Variants in MYO7A observed in about 807,000 individuals in gnomAD.
MYO7A encodes unconventional myosin-VIIa.
A neutral mutation model predicts 263.8 loss-of-function variants in MYO7A; 210 were observed. The observed-to-expected ratio is 0.80, with a 90% CI of 0.71 to 0.89. MYO7A has a LOEUF of 0.89. Among genes scored for constraint, MYO7A ranks in the 40% least tolerant of loss-of-function variants. The pLI is 0.00. For synonymous variants in MYO7A, 1,239 were observed against 1,197.3 expected, an observed-to-expected ratio of 1.03 and a Z score of -0.72; for missense variants, 2,820 against 2,968.3, an observed-to-expected ratio of 0.95 and a Z score of 1.16.
At chr11:77,211,982 A>G in intron 46 of MYO7A, 45 bp downstream of exon 46, 1 of 1,479,450 alleles carries the variant, frequency 6.8e-7, no homozygotes. Flanking sequence ...GGAACAGGGC[A>G]TTGATAAAGC....
chr11:77,162,178 C>A lies in MYO7A; in HGVS notation c.1402C>A (p.His468Asn). ...NEHLQQFFVR[H>N]VFKLEQEEYD... is the part of the protein sequence containing the mutation. ...GCACCTGCAGCAGTTCTTTGTGCGG[C>A]ACGTGTTCAAGCTGGAGCAGGAGGA... Residue 468 changes from histidine to asparagine, a missense_variant, in exon 13 of 49, where the codon CAC becomes AAC. Transcript: ENST00000409709. 6.2e-7 allele frequency: 1 copy of A among 1,601,950 alleles called. No homozygotes were observed.
At chr11:77,192,431 C>T (rs977603888) in intron 31 of MYO7A, among the ~76,000 whole-genome samples, 153 bp downstream of exon 31, 16 of 152,164 alleles carry the variant, frequency 1.1e-4, no homozygotes, top group African/African-American at 4.8e-5. Flanking sequence ...GGATGGACAC[C>T]GCCTACTTCA....
At chr11:77,180,669 A>T (rs1300303998) in intron 22 of MYO7A, among the ~76,000 whole-genome samples, 188 bp downstream of exon 22, 1 of 152,180 alleles carries the variant, frequency 6.6e-6, no homozygotes, top group African/African-American at 2.4e-5. Flanking sequence ...ATGCAAAAGG[A>T]TGAAGGGCTG....
Position 77,147,857 on chromosome 11 carries a change from C to T in MYO7A, c.192C>T (p.Val64=), listed in dbSNP as rs2135707383. Residue 64 remains valine, a synonymous_variant, in exon 4 of 49, where the codon GTC becomes GTT. Coordinates refer to ENST00000409709, the MANE Select transcript of MYO7A (RefSeq NM_000260.4). ...TCAAGCCTATGCACCCCACGTCGGTCCACGGCGTGGAGGACATGATCCGCC... is the reference window on the plus strand; with the variant it reads ...TCAAGCCTATGCACCCCACGTCGGTTCACGGCGTGGAGGACATGATCCGCC... The part of the protein sequence containing the change: ...THIKPMHPTS[V]HGVEDMIRLG... The T allele has an allele frequency of 6.2e-7, 1 of 1,608,552 alleles. No individual in the cohort carries two copies.
rs1452163159 is a variant in MYO7A, at chr11:77,205,674, G to C, written c.5636+57G>C. ...CTGGGGCGGGCTCCTGGCCACGCGG[G>C]GCTTGTGGGATGAGCCCCTTGGGGA... On this transcript the variant is annotated intron_variant, in intron 40 of 48. Transcript: ENST00000409709. 10 of 1,602,908 alleles carry C rather than the reference G, an allele frequency of 6.2e-6. No individual in the cohort carries two copies. The South Asian group carries it at 1.1e-4, about 18-fold the overall frequency.
At chr11:77,184,227 G>T (rs1228362421) in intron 26 of MYO7A, among the ~76,000 whole-genome samples, 1 of 152,104 alleles carries the variant, frequency 6.6e-6, no homozygotes, top group African/African-American at 2.4e-5. Context: ...AGTTATGTTG[G>T]CGGGGGCACC....
intron 2 of MYO7A, among the ~76,000 whole-genome samples, chr11:77,132,825 C>T (rs1453830516): frequency 1.3e-5 from 2 of 152,294 alleles, no homozygotes; most frequent in South Asian, 4.1e-4. Context: ...TATGATGAAA[C>T]AGGCTCAGGA....
At chr11:77,129,620 A>G (rs193191498) in intron 1 of MYO7A, among the ~76,000 whole-genome samples, 2 of 152,304 alleles carry the variant, frequency 1.3e-5, no homozygotes, top group Non-Finnish European at 2.9e-5. Context: ...CAACTCGCCA[A>G]CTTTGGGGGC....
rs779558689 is a variant in MYO7A at position 77,203,239 on chromosome 11, G to A, written c.5326+22G>A. ...ATTGATATCCGTGCCACTGGGCTGTGCCCAGGGGAGCCAGGGACCGGGCAG... is the reference window on the plus strand; with the variant it reads ...ATTGATATCCGTGCCACTGGGCTGTACCCAGGGGAGCCAGGGACCGGGCAG... On this transcript the variant is annotated intron_variant, in intron 38 of 48. Transcript: ENST00000409709. 4.5e-6 allele frequency: 7 copies of A among 1,545,354 alleles called. No individual in the cohort carries two copies. The South Asian group carries it at 7.1e-5, about 16-fold the overall frequency.
intron 2 of MYO7A, among the ~76,000 whole-genome samples, chr11:77,136,209 T>C (rs1238249115): frequency 1.3e-5 from 2 of 152,210 alleles, no homozygotes; most frequent in Non-Finnish European, 2.9e-5. Context: ...ATTTTAAATA[T>C]GCCATCCTAC....
intron 10 of MYO7A, among the ~76,000 whole-genome samples, chr11:77,159,780 C>G (rs541206089): frequency 6.6e-6 from 1 of 152,216 alleles, no homozygotes; most frequent in Non-Finnish European, 1.5e-5. Context: ...CATCCCTGCC[C>G]TCTGGGCCTC....
chr11:77,171,635 T>C (rs1954104824), intron 15 of MYO7A, among the ~76,000 whole-genome samples: 1 of 152,208 alleles, frequency 6.6e-6, no homozygotes, highest in African/African-American at 2.4e-5. Context: ...CCCCTGGTTT[T>C]TGATGCTACA....
At chr11:77,178,960 C>A in intron 19 of MYO7A, 85 bp from the exon 20 acceptor site, 1 of 1,051,716 alleles carries the variant, frequency 9.5e-7, no homozygotes, top group Non-Finnish European at 1.4e-6. Context: ...AGAGCTGGGA[C>A]TCAGCGTGCC....
intron 41 of MYO7A, 90 bp downstream of exon 41, chr11:77,206,292 C>T: frequency 4.2e-6 from 4 of 943,808 alleles, no homozygotes; most frequent in Non-Finnish European, 6.3e-6. Context: ...GCCTCTCCCC[C>T]ATCACCTGAC....
intron 36 of MYO7A, 35 bp from the exon 37 acceptor site, chr11:77,202,265 G>C: frequency 1.9e-6 from 3 of 1,558,172 alleles, no homozygotes; most frequent in Non-Finnish European, 2.6e-6. Context: ...CACAGGTAGA[G>C]AGCTGACCTG....
At position 77,180,398 on chromosome 11, in the gene MYO7A, A is replaced by C; in HGVS notation, c.2611A>C (p.Lys871Gln). The change falls in exon 22 of 49, where the codon AAA (lysine) becomes CAA (glutamine). Residue 871 changes from lysine (K) to glutamine (Q), a missense_variant. By Grantham distance (53) the Lys-to-Gln change is moderately conservative (BLOSUM62 1). Coordinates refer to ENST00000409709, the MANE Select transcript of MYO7A (RefSeq NM_000260.4). ...GTATCTGTGGCGCCTCGAGGCTGAG[A>C]AAATGCGGCTGGCGGAGGAAGAGAA... Reference protein sequence around the residue: ...AEYLWRLEAEKMRLAEEEKLR... With the variant: ...AEYLWRLEAEQMRLAEEEKLR... The C allele has an allele frequency of 6.2e-7, 1 of 1,612,830 alleles. No individual in the cohort carries two copies. The highest frequency in any genetic ancestry group is 8.5e-7 in the Non-Finnish European group (1 of 1,179,790).
At position 77,191,966 on chromosome 11, in the gene MYO7A, G is replaced by C. The variant is rs536699031; in HGVS notation, c.3925-85G>C. 3.3e-5 allele frequency: 41 copies of C among 1,258,632 alleles called. No individual in the cohort carries two copies. The East Asian group carries it at 9.8e-4, about 30-fold the overall frequency. The allele number at this position is 1,258,632 out of a possible 1,614,324, so 78.0% of individuals were successfully genotyped here. Reference sequence around the variant, plus strand: ...GCCCCTCGCTGGGCCTCCGTTTTCTGTCTGAACTGACCGTTGGCCCCGTTG... The same window carrying C: ...GCCCCTCGCTGGGCCTCCGTTTTCTCTCTGAACTGACCGTTGGCCCCGTTG... On this transcript the variant is annotated intron_variant, in intron 30 of 48. Coordinates refer to ENST00000409709, the MANE Select transcript of MYO7A (RefSeq NM_000260.4).
rs148509471 is a variant in MYO7A at position 77,190,898 on chromosome 11, C to T, written c.3924+28C>T. ...ATGGCCGCCCGGAAGCACCTCCTCCCGGAAGCACCTCCTCCCGGCCCCACT... is the reference window on the plus strand; with the variant it reads ...ATGGCCGCCCGGAAGCACCTCCTCCTGGAAGCACCTCCTCCCGGCCCCACT... On this transcript the variant is annotated intron_variant, in intron 30 of 48. Coordinates refer to ENST00000409709, the MANE Select transcript of MYO7A (RefSeq NM_000260.4). 245 of 1,526,814 alleles carry T rather than the reference C, an allele frequency of 1.6e-4. 2 individuals carry two copies. The Middle Eastern group carries it at 3.9e-3, about 25-fold the overall frequency. 94.6% of individuals were successfully genotyped at this position (1,526,814 alleles called of 1,614,324 possible).
chr11:77,206,273 T>A (rs1298782083), intron 41 of MYO7A, 71 bp downstream of exon 41: 16 of 1,235,412 alleles, frequency 1.3e-5, no homozygotes, highest in Non-Finnish European at 1.7e-5. Flanking sequence ...ACACCAAAGG[T>A]GGCCTTAAGC....
Sources: allele counts gnomAD v4.1 joint callset (sites outside exome capture counted in the v4.1 genomes callset), GRCh38; gene constraint gnomAD v4.1.1; transcripts MANE v1.5; gene names NCBI Gene and HGNC (gene_info 2026-07-23, HGNC 2026-07-21).